PCDHA8: variants seen among roughly 807,000 people sequenced by gnomAD.
PCDHA8 encodes protocadherin alpha 8.
A neutral mutation model predicts 61.8 loss-of-function variants in PCDHA8; 53 were observed. The observed-to-expected ratio is 0.86, with a 90% confidence interval of 0.69 to 1.08. The LOEUF (loss-of-function observed/expected upper bound fraction) is 1.08, where lower values mean the gene tolerates loss of function less well. PCDHA8 is among the 50% of genes least tolerant of loss of function. PCDHA8 has a pLI of 0.00. For synonymous variants in PCDHA8, 618 were observed against 556.6 expected, an observed-to-expected ratio of 1.11 and a Z score of -1.55; for missense variants, 1,293 against 1,245.0, an observed-to-expected ratio of 1.04 and a Z score of -0.58.
At chr5:140,966,993 G>A in intron 1 of PCDHA8, 4 of 1,604,524 alleles carry the variant, frequency 2.5e-6, no homozygotes, top group Non-Finnish European at 3.4e-6. Context: ...GGGCCGGGTT[G>A]CTTGCGCATC....
In PCDHA8 at chr5:140,849,618, A is replaced by T. The variant is rs2150442599; in HGVS notation, c.2394+5903A>T. On this transcript the variant is annotated intron_variant, in intron 1 of 3. Transcript: ENST00000531613. ...GACAGTTATTGCCCTGATTAGTGTG[A>T]TCGACCTAGACGCAGATGCCAACGG... is the stretch of plus-strand genomic sequence containing the variant. The T allele has an allele frequency of 1.9e-6, 3 of 1,598,686 alleles. No individual in the cohort carries two copies. The South Asian group carries it at 3.3e-5, about 18-fold the overall frequency.
chr5:140,896,090 C>CA (rs2065374359), intron 1 of PCDHA8, among the ~76,000 whole-genome samples: 1 of 152,152 alleles, frequency 6.6e-6, no homozygotes, highest in Non-Finnish European at 1.5e-5. Flanking sequence ...GGATTACAGG[C>CA]GTGAGCCACT....
intron 1 of PCDHA8, chr5:140,968,844 G>A: frequency 1.2e-6 from 2 of 1,614,210 alleles, no homozygotes; most frequent in African/African-American, 1.3e-5. Context: ...GACACTCAGA[G>A]GCATGTTAAG....
At chr5:140,941,202 CCTTTCTTT>C (rs797023184) in intron 1 of PCDHA8, among the ~76,000 whole-genome samples, 5 of 122,740 alleles carry the variant, frequency 4.1e-5, no homozygotes, top group Non-Finnish European at 9.0e-5. Context: ...TTTCTTTCTT[CCTTTCTTT>C]CTTCCTTTCT....
chr5:140,971,236 G>A (rs1384010579), intron 1 of PCDHA8, among the ~76,000 whole-genome samples: 2 of 152,088 alleles, frequency 1.3e-5, no homozygotes, highest in East Asian at 3.9e-4. Flanking sequence ...AAAGCTTGGG[G>A]CAATTTGATA....
At chr5:140,850,015 A>G (rs2041294167) in intron 1 of PCDHA8, 1 of 1,596,724 alleles carries the variant, frequency 6.3e-7, no homozygotes, top group Non-Finnish European at 8.6e-7. Flanking sequence ...CTGTCGAGCT[A>G]CGTGTCAGTG....
intron 1 of PCDHA8, among the ~76,000 whole-genome samples, chr5:140,887,189 C>T (rs1268664594): frequency 6.6e-6 from 1 of 151,836 alleles, no homozygotes; most frequent in Non-Finnish European, 1.5e-5. Context: ...CTCCACCTCC[C>T]GGGTTCACGC....
chr5:140,927,733 C>T (rs782446148), intron 1 of PCDHA8: 7 of 1,614,198 alleles, frequency 4.3e-6, no homozygotes, highest in South Asian at 2.2e-5. Context: ...AGCAGAGCTG[C>T]GACACCGCTT....
rs146492633 is a variant in PCDHA8 at position 140,900,696 on chromosome 5, G to A, written c.2394+56981G>A. Among the ~76,000 whole-genome samples the A allele has an allele frequency of 2.2e-4, 33 of 152,256 alleles. No homozygotes were observed. The East Asian group carries it at 5.8e-3, about 27-fold the overall frequency. ...TTATCTCTTCAATATACTGATTTCC[G>A]TTCTTTTGGAAAGAAAGGAAATCCT... is the stretch of plus-strand genomic sequence containing the variant. On this transcript the variant is annotated intron_variant, in intron 1 of 3. Transcript: ENST00000531613.
intron 1 of PCDHA8, among the ~76,000 whole-genome samples, chr5:140,904,556 T>A (rs1360933277): frequency 5.3e-5 from 8 of 151,780 alleles, no homozygotes; most frequent in Admixed American, 5.3e-4. Context: ...ATATAATGAC[T>A]TTTTTTTCCT....
chr5:140,928,368 A>G, intron 1 of PCDHA8: 3 of 1,614,212 alleles, frequency 1.9e-6, no homozygotes, highest in Non-Finnish European at 2.5e-6. Context: ...CTGAAGGGCC[A>G]TCAGCCTCTA....
At chr5:140,964,721 C>T (rs2095851062) in intron 1 of PCDHA8, among the ~76,000 whole-genome samples, 1 of 151,598 alleles carries the variant, frequency 6.6e-6, no homozygotes, top group East Asian at 1.9e-4. Flanking sequence ...CAAATTACCA[C>T]AGCAAACTGA....
At chr5:140,887,538 A>AC (rs1554183096) in intron 1 of PCDHA8, among the ~76,000 whole-genome samples, 1 of 151,216 alleles carries the variant, frequency 6.6e-6, no homozygotes, top group Admixed American at 6.6e-5. Flanking sequence ...TCCTCTCCCC[A>AC]CCCCTCATGG....
At chr5:140,865,903 A>G (rs2049042220) in intron 1 of PCDHA8, 1 of 152,134 alleles carries the variant, frequency 6.6e-6, no homozygotes, top group Non-Finnish European at 1.5e-5. Flanking sequence ...GTACAGGCAA[A>G]TCTTTCTTTC....
intron 1 of PCDHA8, chr5:140,866,298 G>A (rs2049270991): frequency 6.6e-6 from 1 of 152,134 alleles, no homozygotes; most frequent in African/African-American, 2.4e-5. Flanking sequence ...AAGTATAGAT[G>A]TTGATATTAT....
intron 1 of PCDHA8, among the ~76,000 whole-genome samples, chr5:140,880,234 G>T (rs560785672): frequency 1.8e-4 from 28 of 152,250 alleles, no homozygotes; most frequent in Non-Finnish European, 2.8e-4. Context: ...TTAAATTAGT[G>T]TATGTGCGTG....
intron 1 of PCDHA8, among the ~76,000 whole-genome samples, chr5:140,925,455 T>C (rs1367623051): frequency 6.6e-6 from 1 of 152,106 alleles, no homozygotes; most frequent in Non-Finnish European, 1.5e-5. Flanking sequence ...GGTGTATCTG[T>C]TGTGGCTCAG....
intron 1 of PCDHA8, among the ~76,000 whole-genome samples, chr5:140,901,201 G>A (rs2068505084): frequency 6.6e-6 from 1 of 152,038 alleles, no homozygotes; most frequent in Admixed American, 6.6e-5. Context: ...CTGTGCAGAA[G>A]GTTTTTAAGT....
intron 1 of PCDHA8, chr5:140,967,282 G>A (rs1463734502): frequency 1.1e-5 from 17 of 1,612,960 alleles, no homozygotes; most frequent in Non-Finnish European, 1.4e-5. Context: ...TAGAGAGTGC[G>A]CAGGACCCCG....
Sources: gnomAD v4.1 joint callset for allele counts (sites outside exome capture counted in the v4.1 genomes callset) on GRCh38, gnomAD v4.1.1 for gene constraint, MANE v1.5 for transcripts, NCBI Gene and HGNC (gene_info 2026-07-23, HGNC 2026-07-21) for gene names.